Variants in OR5T1 observed in about 807,000 individuals in gnomAD.
The protein encoded by OR5T1 is olfactory receptor family 5 subfamily T member 1.
A neutral mutation model predicts 10.1 loss-of-function variants in OR5T1; 14 were observed. The observed-to-expected ratio is 1.39, with a 90% CI of 0.92 to 2.18. The LOEUF (loss-of-function observed/expected upper bound fraction) is 2.18. Ranked by LOEUF, OR5T1 falls within the 30% of genes most tolerant of loss-of-function variation. The pLI is 0.00. For synonymous variants in OR5T1, 166 were observed against 141.2 expected (o/e 1.18, Z -1.24); for missense variants, 461 against 383.9 (o/e 1.20, Z -1.68).
At position 56,275,504 on chromosome 11, in the gene OR5T1, C is replaced by A. The variant is rs7125690; in HGVS notation, c.-135C>A. 0.079 allele frequency: 49,117 copies of A among 624,870 alleles called. 2,248 individuals carry two copies. The highest frequency in any genetic ancestry group is 0.11 in the African/African-American group (6,138 of 53,746). 38.7% of individuals were successfully genotyped at this position (624,870 alleles called of 1,614,324 possible). A position where few individuals can be genotyped will look rare whatever the true frequency, so the allele number is the denominator to read the frequency against. Reference sequence around the variant, plus strand: ...ATTACAGTAATGTATCCACTTGGACCCAATTTTATCACCACCTGTGCATTT... The same window carrying A: ...ATTACAGTAATGTATCCACTTGGACACAATTTTATCACCACCTGTGCATTT... On this transcript the variant is annotated 5_prime_UTR_variant, in exon 3 of 3. Transcript: ENST00000641665.
rs1853946890 is a variant in OR5T1 at position 56,276,390 on chromosome 11, C to T, written c.752C>T (p.Ser251Phe). The T allele has an allele frequency of 6.2e-7, 1 of 1,614,130 alleles. No homozygotes were observed. Among genetic ancestry groups the T allele is most frequent in the Admixed American group, 1.7e-5 (1 of 60,018 alleles). ...QSAEGRRKVFSTCGAHLTGVT... is the reference protein window; with the variant it reads ...QSAEGRRKVFFTCGAHLTGVT... ...GCTGAAGGGAGGAGAAAAGTCTTCTCTACATGTGGAGCTCACCTAACTGGA... is the reference window on the plus strand; with the variant it reads ...GCTGAAGGGAGGAGAAAAGTCTTCTTTACATGTGGAGCTCACCTAACTGGA... The change falls in exon 3 of 3, where the codon TCT becomes TTT. Residue 251 changes from serine to phenylalanine, a missense_variant. Ser to Phe is a radical substitution (Grantham distance 155). Coordinates refer to ENST00000641665, the MANE Select transcript of OR5T1 (RefSeq NM_001004745.2).
At position 56,276,703 on chromosome 11, in the gene OR5T1, C is replaced by T; in HGVS notation, c.*84C>T. 1.0e-6 allele frequency: 1 copy of T among 996,490 alleles called. No homozygotes were observed. Among genetic ancestry groups the T allele is most frequent in the Non-Finnish European group, 1.5e-6 (1 of 673,496 alleles). The allele number at this position is 996,490 out of a possible 1,614,324, so 61.7% of individuals were successfully genotyped here. On this transcript the variant is annotated 3_prime_UTR_variant, in exon 3 of 3. Transcript: ENST00000641665. ...AGAAAGTAGAGAAGAAAATGTGTTT[C>T]TTTTAGTTAACAGTGCTTGTAACTT...
At position 56,276,236 on chromosome 11, in the gene OR5T1, T is replaced by A; in HGVS notation, c.598T>A (p.Ser200Thr). 1 of 1,614,120 alleles carries A rather than the reference T, an allele frequency of 6.2e-7. No homozygotes were observed. The highest frequency in any genetic ancestry group is 8.5e-7 in the Non-Finnish European group (1 of 1,180,014). ...FCNMPPLLAI[S>T]CSDTHVIQLL... ...TAATATGCCTCCTCTGCTTGCTATT[T>A]CTTGTTCTGACACTCACGTAATCCA... The change falls in exon 3 of 3, where the codon TCT becomes ACT. Residue 200 changes from serine to threonine, a missense_variant. Coordinates refer to ENST00000641665, the MANE Select transcript of OR5T1 (RefSeq NM_001004745.2).
At chr11:56,275,245 G>T (rs113259266) in intron 2 of OR5T1, among the ~76,000 whole-genome samples, 1 of 152,036 alleles carries the variant, frequency 6.6e-6, no homozygotes, top group African/African-American at 2.4e-5. Flanking sequence ...GGTATTTCTC[G>T]TAACGTTATC....
intron 2 of OR5T1, 125 bp from the exon 3 acceptor site, chr11:56,275,361 G>A (rs1177584216): frequency 1.1e-5 from 3 of 276,200 alleles, no homozygotes; most frequent in Non-Finnish European, 2.0e-5. Context: ...GAGAACATGC[G>A]GTGTTTGGTT....
At position 56,274,689 on chromosome 11, in the gene OR5T1, C is replaced by T. The variant is rs921102359; in HGVS notation, c.-218C>T. On this transcript the variant is annotated 5_prime_UTR_variant, in exon 2 of 3. Coordinates refer to ENST00000641665, the MANE Select transcript of OR5T1 (RefSeq NM_001004745.2). ...ATAAATGAAAAATGAACACCAAATT[C>T]TTTTGGTTTGCAAACAAGGTGCATC... 1 of 151,580 alleles carries T rather than the reference C, an allele frequency of 6.6e-6. No homozygotes were observed. Among genetic ancestry groups the T allele is most frequent in the Non-Finnish European group, 1.5e-5 (1 of 67,928 alleles). 9.4% of individuals were successfully genotyped at this position (151,580 alleles called of 1,614,324 possible).
Position 56,276,331 on chromosome 11 carries a change from T to C in OR5T1, c.693T>C (p.Gly231=). The change falls in exon 3 of 3, where the codon GGT becomes GGC. Residue 231 remains glycine, a synonymous_variant. Coordinates refer to ENST00000641665, the MANE Select transcript of OR5T1 (RefSeq NM_001004745.2). ...VTILIVLISY[G]FILLAILKMQ... is the part of the protein sequence containing the mutation. Reference sequence around the variant, plus strand: ...TCCTGATTGTCCTGATCTCCTATGGTTTTATTCTGTTGGCCATTCTGAAGA... The same window carrying C: ...TCCTGATTGTCCTGATCTCCTATGGCTTTATTCTGTTGGCCATTCTGAAGA... The C allele has an allele frequency of 6.2e-7, 1 of 1,614,090 alleles. No individual in the cohort carries two copies. The highest frequency in any genetic ancestry group is 1.1e-5 in the South Asian group (1 of 91,074).
chr11:56,275,550 G>A lies in OR5T1; in HGVS notation c.-89G>A, dbSNP rs535769709. On this transcript the variant is annotated 5_prime_UTR_variant, in exon 3 of 3. Coordinates refer to ENST00000641665, the MANE Select transcript of OR5T1 (RefSeq NM_001004745.2). Reference sequence around the variant, plus strand: ...CATTTGCTGACAAGGATTTCATCTTGCTTTTCCAAGAAACGAACATGAGGA... The same window carrying A: ...CATTTGCTGACAAGGATTTCATCTTACTTTTCCAAGAAACGAACATGAGGA... 27 of 1,073,824 alleles carry A rather than the reference G, an allele frequency of 2.5e-5. No individual in the cohort carries two copies. In the African/African-American group the frequency reaches 3.7e-4, roughly 15 times the overall value. 66.5% of individuals were successfully genotyped at this position (1,073,824 alleles called of 1,614,324 possible).
intron 2 of OR5T1, among the ~76,000 whole-genome samples, chr11:56,274,971 T>C (rs1209306025): frequency 6.6e-6 from 1 of 152,208 alleles, no homozygotes; most frequent in East Asian, 1.9e-4. Context: ...GTTTCCATAT[T>C]TAAAATGAGA....
Position 56,276,299 on chromosome 11 carries a change from G to A in OR5T1, c.661G>A (p.Val221Ile), listed in dbSNP as rs182413502. 1 of 1,614,018 alleles carries A rather than the reference G, an allele frequency of 6.2e-7. No homozygotes were observed. The highest frequency in any genetic ancestry group is 8.5e-7 in the Non-Finnish European group (1 of 1,179,970). Residue 221 changes from valine to isoleucine, a missense_variant, in exon 3 of 3, where the codon GTC (valine) becomes ATC (isoleucine). Coordinates refer to ENST00000641665, the MANE Select transcript of OR5T1 (RefSeq NM_001004745.2). The part of the protein sequence containing the change: ...FFYFVGSIEI[V>I]TILIVLISYG... ...CTACTTTGTGGGCTCTATTGAGATA[G>A]TCACTATCCTGATTGTCCTGATCTC... is the stretch of plus-strand genomic sequence containing the variant.
chr11:56,275,864 G>C lies in OR5T1; in HGVS notation c.226G>C (p.Gly76Arg), dbSNP rs1302116371. 1 of 1,613,930 alleles carries C rather than the reference G, an allele frequency of 6.2e-7. No individual in the cohort carries two copies. The highest frequency in any genetic ancestry group is 8.5e-7 in the Non-Finnish European group (1 of 1,179,990). ...TCACAGCCCAATGTACTATTTTCTT[G>C]GTGTTTTATCATTCTTGGATGTCTG... is the stretch of plus-strand genomic sequence containing the variant. ...WLHSPMYYFL[G>R]VLSFLDVCYS... Residue 76 changes from glycine to arginine, a missense_variant, in exon 3 of 3, where the codon GGT becomes CGT. Transcript: ENST00000641665.
In OR5T1 at chr11:56,275,520, C is replaced by T; in HGVS notation, c.-119C>T. 2.8e-6 allele frequency: 2 copies of T among 719,172 alleles called. No homozygotes were observed. The highest frequency in any genetic ancestry group is 4.6e-6 in the Non-Finnish European group (2 of 430,556). 44.5% of individuals were successfully genotyped at this position (719,172 alleles called of 1,614,324 possible). ...CACTTGGACCCAATTTTATCACCACCTGTGCATTTGCTGACAAGGATTTCA... is the reference window on the plus strand; with the variant it reads ...CACTTGGACCCAATTTTATCACCACTTGTGCATTTGCTGACAAGGATTTCA... On this transcript the variant is annotated 5_prime_UTR_variant, in exon 3 of 3. Transcript: ENST00000641665.
At chr11:56,275,244 C>G (rs1382837730) in intron 2 of OR5T1, among the ~76,000 whole-genome samples, 1 of 152,136 alleles carries the variant, frequency 6.6e-6, no homozygotes, top group Non-Finnish European at 1.5e-5. Flanking sequence ...AGGTATTTCT[C>G]GTAACGTTAT....
Position 56,276,496 on chromosome 11 carries a change from G to A in OR5T1, c.858G>A (p.Val286=), listed in dbSNP as rs1052214220. Residue 286 remains valine, a synonymous_variant, in exon 3 of 3, where the codon GTG becomes GTA. Transcript: ENST00000641665. ...ACACTTCGGACAATGACATGATAGTGTCAATATTTTATACCATTGTGATTC... is the reference window on the plus strand; with the variant it reads ...ACACTTCGGACAATGACATGATAGTATCAATATTTTATACCATTGTGATTC... The part of the protein sequence containing the change: ...SSYTSDNDMI[V]SIFYTIVIPM... 1.9e-6 allele frequency: 3 copies of A among 1,613,870 alleles called. No individual in the cohort carries two copies. Among genetic ancestry groups the A allele is most frequent in the Admixed American group, 1.7e-5 (1 of 59,986 alleles).
chr11:56,275,826 G>C lies in OR5T1; in HGVS notation c.188G>C (p.Gly63Ala). 1 of 1,613,486 alleles carries C rather than the reference G, an allele frequency of 6.2e-7. No individual in the cohort carries two copies. The highest frequency in any genetic ancestry group is 8.5e-7 in the Non-Finnish European group (1 of 1,179,534). ...GNLGLVVPII[G>A]DFWLHSPMYY... The stretch of plus-strand genomic sequence containing the variant: ...TTAGGGCTGGTTGTACCGATCATTG[G>C]GGATTTCTGGCTTCACAGCCCAATG... Residue 63 changes from glycine (G) to alanine (A), a missense_variant, in exon 3 of 3, where the codon GGG becomes GCG. Physicochemically the swap from Gly to Ala is moderately conservative, Grantham distance 60. Transcript: ENST00000641665.
In OR5T1 at chr11:56,275,911, A is replaced by C. The variant is rs755978573; in HGVS notation, c.273A>C (p.Pro91=). 10 of 1,614,190 alleles carry C rather than the reference A, an allele frequency of 6.2e-6. No homozygotes were observed. The East Asian group carries it at 2.2e-4, about 36-fold the overall frequency. The part of the protein sequence containing the change: ...LDVCYSTVVT[P]KMLVNFLAKN... ...TCTGCTATTCTACAGTTGTCACTCC[A>C]AAAATGTTGGTCAATTTCCTGGCAA... Residue 91 remains proline (P), a synonymous_variant, in exon 3 of 3, where the codon CCA becomes CCC. Coordinates refer to ENST00000641665, the MANE Select transcript of OR5T1 (RefSeq NM_001004745.2).
chr11:56,275,519 C>A lies in OR5T1; in HGVS notation c.-120C>A, dbSNP rs1006202992. On this transcript the variant is annotated 5_prime_UTR_variant, in exon 3 of 3. Transcript: ENST00000641665. ...CCACTTGGACCCAATTTTATCACCACCTGTGCATTTGCTGACAAGGATTTC... is the reference window on the plus strand; with the variant it reads ...CCACTTGGACCCAATTTTATCACCAACTGTGCATTTGCTGACAAGGATTTC... The A allele has an allele frequency of 8.4e-6, 6 of 715,676 alleles. No individual in the cohort carries two copies. Among genetic ancestry groups the A allele is most frequent in the Non-Finnish European group, 1.2e-5 (5 of 427,314 alleles). 44.3% of individuals were successfully genotyped at this position (715,676 alleles called of 1,614,324 possible). A position where few individuals can be genotyped will look rare whatever the true frequency, so the allele number is the denominator to read the frequency against.
In OR5T1 at chr11:56,275,928, T is replaced by A. The variant is rs745384861; in HGVS notation, c.290T>A (p.Phe97Tyr). The A allele has an allele frequency of 3.7e-6, 6 of 1,614,058 alleles. No homozygotes were observed. The highest frequency in any genetic ancestry group is 4.2e-6 in the Non-Finnish European group (5 of 1,180,032). The stretch of plus-strand genomic sequence containing the variant: ...GTCACTCCAAAAATGTTGGTCAATT[T>A]CCTGGCAAAAAATAAATCTATTTCA... ...TVVTPKMLVNFLAKNKSISFL... is the reference protein window; with the variant it reads ...TVVTPKMLVNYLAKNKSISFL... Residue 97 changes from phenylalanine (F) to tyrosine (Y), a missense_variant, in exon 3 of 3, where the codon TTC (phenylalanine) becomes TAC (tyrosine). Transcript: ENST00000641665.
Position 56,276,610 on chromosome 11 carries a change from T to C in OR5T1, c.972T>C (p.Asn324=). ...KRLLVRNWFI[N]KL ...TGCTTGTGAGAAATTGGTTCATAAATAAGTTATAGTTTTAAAATTGAGTAA... is the reference window on the plus strand; with the variant it reads ...TGCTTGTGAGAAATTGGTTCATAAACAAGTTATAGTTTTAAAATTGAGTAA... The change falls in exon 3 of 3, where the codon AAT becomes AAC. Residue 324 remains asparagine, a synonymous_variant. Coordinates refer to ENST00000641665, the MANE Select transcript of OR5T1 (RefSeq NM_001004745.2). 2 of 1,604,438 alleles carry C rather than the reference T, an allele frequency of 1.2e-6. No homozygotes were observed. Among genetic ancestry groups the C allele is most frequent in the Non-Finnish European group, 1.7e-6 (2 of 1,174,580 alleles).
Sources: gnomAD v4.1 joint callset for allele counts (sites outside exome capture counted in the v4.1 genomes callset) on GRCh38, gnomAD v4.1.1 for gene constraint, MANE v1.5 for transcripts, NCBI Gene and HGNC (gene_info 2026-07-23, HGNC 2026-07-21) for gene names.